CPLX2: variants seen among roughly 807,000 people sequenced by gnomAD.
CPLX2 encodes the protein complexin 2.
A neutral mutation model predicts 16.3 loss-of-function variants in CPLX2; 5 were observed. The observed-to-expected ratio is 0.31, with a 90% CI of 0.16 to 0.64. The LOEUF (loss-of-function observed/expected upper bound fraction) is 0.64, where lower values mean the gene tolerates loss of function less well. Ranked by LOEUF, CPLX2 falls within the 30% of genes least tolerant of loss-of-function variation. The pLI is 0.79. For missense variants in CPLX2, 144 were observed against 181.4 expected, an observed-to-expected ratio of 0.79 and a Z score of 1.18; for synonymous variants, 89 against 73.2, an observed-to-expected ratio of 1.22 and a Z score of -1.10.
intron 2 of CPLX2, among the ~76,000 whole-genome samples, chr5:175,859,062 C>G (rs953420361): frequency 6.6e-6 from 1 of 152,194 alleles, no homozygotes; most frequent in Non-Finnish European, 1.5e-5. Flanking sequence ...CATACAGGGT[C>G]CCTCCTCCAA....
intron 2 of CPLX2, among the ~76,000 whole-genome samples, chr5:175,833,351 G>C (rs1280675531): frequency 6.6e-6 from 1 of 152,060 alleles, no homozygotes; most frequent in East Asian, 1.9e-4. Context: ...GATGAAGAGA[G>C]TACAGTCCCT....
intron 2 of CPLX2, among the ~76,000 whole-genome samples, chr5:175,831,722 G>C (rs903338539): frequency 8.4e-4 from 128 of 152,342 alleles, no homozygotes; most frequent in Admixed American, 7.1e-3. Context: ...CAGGAGGTCA[G>C]ATAGGTCAAC....
At chr5:175,840,465 A>T (rs1034578755) in intron 2 of CPLX2, among the ~76,000 whole-genome samples, 1 of 152,264 alleles carries the variant, frequency 6.6e-6, no homozygotes, top group Non-Finnish European at 1.5e-5. Context: ...TGAGAAGGCC[A>T]AAAGAAGGCA....
At chr5:175,805,651 C>A (rs1375496250) in intron 1 of CPLX2, 4 of 152,358 alleles carry the variant, frequency 2.6e-5, no homozygotes, top group Non-Finnish European at 4.4e-5. Context: ...GGCATCCCAG[C>A]CCCACCTTTC....
chr5:175,852,391 C>T (rs1307799640), intron 2 of CPLX2, among the ~76,000 whole-genome samples: 1 of 152,156 alleles, frequency 6.6e-6, no homozygotes, highest in Non-Finnish European at 1.5e-5. Context: ...AGCTGTTGAA[C>T]TGTCTTGGTA....
At chr5:175,852,821 G>A (rs1759183324) in intron 2 of CPLX2, among the ~76,000 whole-genome samples, 1 of 152,154 alleles carries the variant, frequency 6.6e-6, no homozygotes, top group South Asian at 2.1e-4. Context: ...AAGGTGTCTC[G>A]CGGTGTTTTC....
At chr5:175,799,111 T>C (rs1758041849) in intron 1 of CPLX2, among the ~76,000 whole-genome samples, 1 of 152,234 alleles carries the variant, frequency 6.6e-6, no homozygotes. Context: ...TCAACAGGTT[T>C]TACCATGCCA....
intron 1 of CPLX2, among the ~76,000 whole-genome samples, chr5:175,797,965 CT>C (rs1399723564): frequency 6.6e-6 from 1 of 152,188 alleles, no homozygotes; most frequent in Non-Finnish European, 1.5e-5. Flanking sequence ...ACGTGACACT[CT>C]AGATCACTGA....
intron 1 of CPLX2, among the ~76,000 whole-genome samples, chr5:175,875,033 G>A (rs1338680145): frequency 3.9e-5 from 6 of 152,198 alleles, no homozygotes; most frequent in Admixed American, 6.5e-5. Context: ...GATGACGGCC[G>A]TGAAGACCCT....
intron 1 of CPLX2, among the ~76,000 whole-genome samples, chr5:175,800,213 G>A (rs1195079848): frequency 1.3e-5 from 2 of 151,980 alleles, no homozygotes; most frequent in South Asian, 2.1e-4. Flanking sequence ...TGGGCTCTGG[G>A]GCTCTGATTC....
chr5:175,853,127 T>C (rs1373872536), intron 2 of CPLX2, among the ~76,000 whole-genome samples: 1 of 152,258 alleles, frequency 6.6e-6, no homozygotes, highest in Admixed American at 6.5e-5. Context: ...ACTAGTTTTC[T>C]GGTTTAAAGT....
chr5:175,863,435 C>T (rs79281561), intron 2 of CPLX2, among the ~76,000 whole-genome samples: 9,489 of 152,280 alleles, frequency 0.062, 448 homozygotes, highest in East Asian at 0.16. Context: ...TGAACAAGGG[C>T]TTAACCTCTC....
intron 2 of CPLX2, among the ~76,000 whole-genome samples, chr5:175,840,556 C>T (rs1392493042): frequency 6.6e-6 from 1 of 152,182 alleles, no homozygotes; most frequent in African/African-American, 2.4e-5. Context: ...CAGTAGATGC[C>T]TCCTTCTTTC....
chr5:175,801,161 T>TAAAAAAAAAAA (rs3051187), intron 1 of CPLX2, among the ~76,000 whole-genome samples: 1 of 140,960 alleles, frequency 7.1e-6, no homozygotes, highest in Non-Finnish European at 1.5e-5. Flanking sequence ...AGAGGAGTGT[T>TAAAAAAAAAAA]AAAAAAAAAA....
chr5:175,876,344 T>A (rs1326469701), intron 1 of CPLX2, among the ~76,000 whole-genome samples: 1 of 152,006 alleles, frequency 6.6e-6, no homozygotes, highest in Non-Finnish European at 1.5e-5. Flanking sequence ...AATGGATGAG[T>A]TCTCCCAGGG....
At chr5:175,797,512 C>G (rs1758011908) in intron 1 of CPLX2, among the ~76,000 whole-genome samples, 1 of 152,326 alleles carries the variant, frequency 6.6e-6, no homozygotes, top group South Asian at 2.1e-4. Flanking sequence ...GACCCCCACC[C>G]CATCCCAGCT....
At chr5:175,869,602 C>T (rs751670436), upstream of CPLX2, among the ~76,000 whole-genome samples, 1 of 152,180 alleles carries the variant, frequency 6.6e-6, no homozygotes, top group East Asian at 1.9e-4. Context: ...TTGCCAGGCA[C>T]GTTACTAAGC....
chr5:175,856,911 G>A (rs1485399286), intron 2 of CPLX2, among the ~76,000 whole-genome samples: 1 of 152,140 alleles, frequency 6.6e-6, no homozygotes, highest in Non-Finnish European at 1.5e-5. Context: ...GAACTTGCCT[G>A]GATCCTTCAC....
At chr5:175,867,066 C>T (rs541813744), upstream of CPLX2, among the ~76,000 whole-genome samples, 2 of 152,080 alleles carry the variant, frequency 1.3e-5, no homozygotes, top group African/African-American at 4.8e-5. Flanking sequence ...CAGAGCAAGA[C>T]CCTGTATCTA....
Sources: gnomAD v4.1 joint callset for allele counts (sites outside exome capture counted in the v4.1 genomes callset) on GRCh38, gnomAD v4.1.1 for gene constraint, MANE v1.5 for transcripts, NCBI Gene and HGNC (gene_info 2026-07-23, HGNC 2026-07-21) for gene names.